OFD1: variants seen among roughly 807,000 people sequenced by gnomAD.
The protein encoded by OFD1 is OFD1 centriole and centriolar satellite protein.
A neutral mutation model predicts 81.4 loss-of-function variants in OFD1; 12 were observed. That is an observed-to-expected ratio of 0.15 (90% CI 0.09 to 0.24). OFD1 has a LOEUF of 0.24. Among genes scored for constraint, OFD1 ranks in the 10% least tolerant of loss-of-function variants. The pLI is 1.00. For missense variants in OFD1, 685 were observed against 733.9 expected (o/e 0.93, Z 0.77); for synonymous variants, 256 against 263.7 (o/e 0.97, Z 0.28).
upstream of OFD1, among the ~76,000 whole-genome samples, chrX:13,731,739 C>G (rs1220679473): frequency 8.9e-6 from 1 of 111,984 alleles, no homozygotes; most frequent in African/African-American, 3.2e-5. Flanking sequence ...ATTGGGTGCT[C>G]CGTGTCAATT....
chrX:13,746,798 A>G lies in OFD1; in HGVS notation c.673A>G (p.Thr225Ala), dbSNP rs755154894. Residue 225 changes from threonine (T) to alanine (A), a missense_variant, in exon 8 of 23, where the codon ACC (threonine) becomes GCC (alanine). Physicochemically the swap from Thr to Ala is moderately conservative, Grantham distance 58. Around this residue, in one of 3 missense-constraint regions of OFD1, gnomAD observed 414 missense variants for 447.2 expected, o/e 0.93. Coordinates refer to ENST00000340096, the MANE Select transcript of OFD1 (RefSeq NM_003611.3). ...MCQKLKFFKD[T>A]EIAKIKMEAK... ...TTTGCAGTTGAAGTTTTTTAAAGAT[A>G]CCGAGATAGCAAAAATTAAAATGGA... 8.3e-7 allele frequency: 1 copy of G among 1,201,300 alleles called. No homozygotes were observed. Among genetic ancestry groups the G allele is most frequent in the East Asian group, 3.0e-5 (1 of 33,797 alleles).
chrX:13,753,984 ATTT>A (rs772659719), intron 11 of OFD1, among the ~76,000 whole-genome samples: 2 of 101,545 alleles, frequency 2.0e-5, no homozygotes, highest in Non-Finnish European at 4.0e-5. Context: ...ATTTCAGTGT[ATTT>A]TTTTTTTTTT....
At chrX:13,773,144 A>ACCTTCGCCCCTT (rs2048331705), downstream of OFD1, 1 of 581,012 alleles carries the variant, frequency 1.7e-6, no homozygotes, top group Non-Finnish European at 2.7e-6. Flanking sequence ...TTCTGTATTA[A>ACCTTCGCCCCTT]TAAATACTCG....
rs312262863 is a variant in OFD1 at position 13,753,411 on chromosome X, C to G, written c.1099C>G (p.Arg367Gly). 1 of 1,207,185 alleles carries G rather than the reference C, an allele frequency of 8.3e-7. No individual in the cohort carries two copies. Among genetic ancestry groups the G allele is most frequent in the African/African-American group, 1.8e-5 (1 of 56,970 alleles). ...GGATGACTACATCATTAGAACTAAT[C>G]GACTGATTGAAGATGAAAGGAAGAA... is the stretch of plus-strand genomic sequence containing the variant. Reference protein sequence around the residue: ...LKDDYIIRTNRLIEDERKNKE... With the variant: ...LKDDYIIRTNGLIEDERKNKE... Residue 367 changes from arginine (R) to glycine (G), a missense_variant, in exon 11 of 23, where the codon CGA becomes GGA. Physicochemically the swap from Arg to Gly is moderately radical, Grantham distance 125. This residue lies in a region of OFD1 where 414 missense variants were observed against 447.2 expected (regional missense o/e 0.93). Transcript: ENST00000340096.
chrX:13,772,815 G>A, downstream of OFD1: 1 of 1,072,210 alleles, frequency 9.3e-7, no homozygotes, highest in Non-Finnish European at 1.3e-6. Flanking sequence ...CATCTGTACT[G>A]CAGAGCAGCT....
chrX:13,758,994 G>A (rs1039475288), intron 15 of OFD1, among the ~76,000 whole-genome samples: 1 of 111,571 alleles, frequency 9.0e-6, no homozygotes, highest in African/African-American at 3.3e-5. Flanking sequence ...AGATGAAATG[G>A]GTTTCAGTCC....
chrX:13,758,653 G>A lies in OFD1; in HGVS notation c.1654+205G>A, dbSNP rs187234940. Among the ~76,000 whole-genome samples the A allele has an allele frequency of 1.6e-4, 18 of 111,704 alleles. No homozygotes were observed. The Admixed American group carries it at 1.7e-3, about 11-fold the overall frequency. On this transcript the variant is annotated intron_variant, in intron 15 of 22. Transcript: ENST00000340096. ...AGCAAAAGTATTTTGCTTCATAGGTGCCTCATGGCTTGGGAGAGTCTCATG... is the reference window on the plus strand; with the variant it reads ...AGCAAAAGTATTTTGCTTCATAGGTACCTCATGGCTTGGGAGAGTCTCATG...
At chrX:13,771,436 AAG>A (rs1443389235), downstream of OFD1, 1 of 112,123 alleles carries the variant, frequency 8.9e-6, no homozygotes, top group East Asian at 2.8e-4. Context: ...TTAACCAAAA[AAG>A]AGAATCCAAA....
intron 5 of OFD1, among the ~76,000 whole-genome samples, chrX:13,743,877 A>AT (rs1278905632): frequency 1.8e-5 from 2 of 109,797 alleles, no homozygotes; most frequent in African/African-American, 6.7e-5. Flanking sequence ...CCAGTGTGTT[A>AT]TTTTTTTATT....
chrX:13,735,320 G>C lies in OFD1; in HGVS notation c.85G>C (p.Asp29His). The change falls in exon 2 of 23, where the codon GAT (aspartate) becomes CAT (histidine). Residue 29 changes from aspartate (D) to histidine (H), a missense_variant. Coordinates refer to ENST00000340096, the MANE Select transcript of OFD1 (RefSeq NM_003611.3). ...LRKKLYQTFK[D>H]RGILDTLKTQ... ...CAAAAAGCTATACCAGACGTTTAAG[G>C]ATCGGGGTATACTGGATACACTCAA... 3 of 1,209,395 alleles carry C rather than the reference G, an allele frequency of 2.5e-6. No individual in the cohort carries two copies. Among genetic ancestry groups the C allele is most frequent in the Non-Finnish European group, 3.4e-6 (3 of 893,096 alleles).
Position 13,760,205 on chromosome X carries a change from A to G in OFD1, c.1745A>G (p.Asn582Ser), listed in dbSNP as rs377203286. The G allele has an allele frequency of 4.1e-6, 5 of 1,210,198 alleles. No homozygotes were observed. The highest frequency in any genetic ancestry group is 3.5e-5 in the African/African-American group (2 of 57,174). ...GLINGNVVPCNGEISGDFLNN... is the reference protein window; with the variant it reads ...GLINGNVVPCSGEISGDFLNN... Reference sequence around the variant, plus strand: ...ATAAATGGCAATGTGGTGCCTTGCAATGGTGAGATAAGTGGGGATTTCTTG... The same window carrying G: ...ATAAATGGCAATGTGGTGCCTTGCAGTGGTGAGATAAGTGGGGATTTCTTG... Residue 582 changes from asparagine (N) to serine (S), a missense_variant, in exon 16 of 23, where the codon AAT becomes AGT. By Grantham distance (46) the Asn-to-Ser change is conservative (BLOSUM62 1). Around this residue, in one of 3 missense-constraint regions of OFD1, gnomAD observed 414 missense variants for 447.2 expected, o/e 0.93. Coordinates refer to ENST00000340096, the MANE Select transcript of OFD1 (RefSeq NM_003611.3).
At chrX:13,717,200 C>G in the OFD1 span, among the ~76,000 whole-genome samples, 3 of 111,011 alleles carry the variant, frequency 2.7e-5, no homozygotes, top group Admixed American at 9.6e-5. Flanking sequence ...AACGGCCTGC[C>G]AGAGGCCTCT....
At chrX:13,727,278 C>T in the OFD1 span, among the ~76,000 whole-genome samples, 1 of 111,992 alleles carries the variant, frequency 8.9e-6, no homozygotes, top group East Asian at 2.8e-4. Context: ...AACTCTCCAC[C>T]CCAAATCAAC....
chrX:13,756,446 G>A (rs1447270572), intron 12 of OFD1, 132 bp from the exon 13 acceptor site: 14 of 486,068 alleles, frequency 2.9e-5, no homozygotes, highest in Non-Finnish European at 3.2e-5. Context: ...GAGTCTTATT[G>A]TAGAGAATCA....
rs1356971226 is a variant in OFD1, at chrX:13,760,227, C to T, written c.1767C>T (p.Phe589=). Residue 589 remains phenylalanine, a synonymous_variant, in exon 16 of 23, where the codon TTC becomes TTT. Transcript: ENST00000340096. The part of the protein sequence containing the change: ...VPCNGEISGD[F]LNNPFKQENV... ...GCAATGGTGAGATAAGTGGGGATTT[C>T]TTGAACAATCCTTTTAAACAGGAAA... 8.3e-7 allele frequency: 1 copy of T among 1,211,572 alleles called. No individual in the cohort carries two copies. Among genetic ancestry groups the T allele is most frequent in the East Asian group, 3.0e-5 (1 of 33,838 alleles).
At chrX:13,734,631 GATGTGCTCTCGC>G, upstream of OFD1, 1 of 850,698 alleles carries the variant, frequency 1.2e-6, no homozygotes, top group Non-Finnish European at 1.5e-6. Context: ...GATACCCTGG[GATGTGCTCTCGC>G]GATACGTAGG....
At chrX:13,748,480 C>A (rs1427080444) in intron 8 of OFD1, among the ~76,000 whole-genome samples, 2 of 112,625 alleles carry the variant, frequency 1.8e-5, no homozygotes, top group East Asian at 5.6e-4. Flanking sequence ...ACTTCAGTTA[C>A]AAAATCATCA....
At chrX:13,769,004 AAGAT>A in intron 22 of OFD1, 58 bp from the exon 23 acceptor site, 1 of 907,102 alleles carries the variant, frequency 1.1e-6, no homozygotes, top group Non-Finnish European at 1.6e-6. Flanking sequence ...GAACATTATG[AAGAT>A]AGCAAATAAA....
intron 16 of OFD1, 73 bp from the exon 17 acceptor site, chrX:13,761,011 CT>C: frequency 8.7e-7 from 1 of 1,146,623 alleles, no homozygotes; most frequent in Non-Finnish European, 1.2e-6. Flanking sequence ...ACTAGTAGAG[CT>C]CTTTAGAAAC....
Sources: allele counts gnomAD v4.1 joint callset (sites outside exome capture counted in the v4.1 genomes callset), GRCh38; gene constraint gnomAD v4.1.1; regional missense constraint gnomAD v4.1.1; transcripts MANE v1.5; gene names NCBI Gene and HGNC (gene_info 2026-07-23, HGNC 2026-07-21).